The following ZNF283 variants were observed in gnomAD, a reference collection of about 807,000 sequenced individuals.
ZNF283 encodes zinc finger protein 41.
ZNF283 carries 10 observed loss-of-function variants against 9.2 expected under a neutral mutation model. The observed-to-expected ratio is 1.09, with a 90% confidence interval of 0.67 to 1.85. The LOEUF (loss-of-function observed/expected upper bound fraction) is 1.85, where lower values mean the gene tolerates loss of function less well. Ranked by LOEUF, ZNF283 falls within the 40% of genes most tolerant of loss-of-function variation. The probability of loss-of-function intolerance (pLI) is 0.00; values close to 1 mark genes in which losing one functional copy is unlikely to be tolerated. For synonymous variants in ZNF283, 234 were observed against 244.1 expected (o/e 0.96, Z 0.38); for missense variants, 631 against 760.1 (o/e 0.83, Z 2.00).
intron 4 of ZNF283, among the ~76,000 whole-genome samples, chr19:43,835,148 C>T (rs1970910799): frequency 6.6e-6 from 1 of 152,130 alleles, no homozygotes; most frequent in African/African-American, 2.4e-5. Flanking sequence ...CCTTATACAG[C>T]CTGTCCAGCT....
intron 6 of ZNF283, among the ~76,000 whole-genome samples, chr19:43,843,229 T>C (rs1178957217): frequency 6.6e-6 from 1 of 152,278 alleles, no homozygotes; most frequent in Non-Finnish European, 1.5e-5. Context: ...TAGTCCCAGC[T>C]ACTCGGGAGG....
chr19:43,848,709 T>C lies in ZNF283; in HGVS notation c.*68T>C, dbSNP rs1192005930. The C allele has an allele frequency of 2.1e-5, 30 of 1,427,712 alleles. No homozygotes were observed. The highest frequency in any genetic ancestry group is 2.7e-5 in the Non-Finnish European group (29 of 1,074,088). 88.4% of individuals were successfully genotyped at this position (1,427,712 alleles called of 1,614,324 possible). On this transcript the variant is annotated 3_prime_UTR_variant, in exon 7 of 7. Coordinates refer to ENST00000618787, the MANE Select transcript of ZNF283 (RefSeq NM_181845.2). ...CTTATCATAATAAGAACTCTTACTC[T>C]TGAGAAACCTTGTGAATGTAAGGGT...
intron 2 of ZNF283, among the ~76,000 whole-genome samples, chr19:43,829,955 G>A (rs1336351485): frequency 6.6e-6 from 1 of 152,092 alleles, no homozygotes; most frequent in African/African-American, 2.4e-5. Flanking sequence ...CCCAGCAGGC[G>A]GAGGTTGTAG....
chr19:43,834,893 C>T (rs1342621195), intron 4 of ZNF283, among the ~76,000 whole-genome samples: 1 of 152,176 alleles, frequency 6.6e-6, no homozygotes, highest in Non-Finnish European at 1.5e-5. Flanking sequence ...CTCACCTGGC[C>T]TGTTTCTTTC....
At chr19:43,837,731 G>A (rs1971040419) in intron 6 of ZNF283, 1 of 152,546 alleles carries the variant, frequency 6.6e-6, no homozygotes, top group African/African-American at 2.4e-5. Context: ...GCTAATTTAG[G>A]TAAGACAGTC....
intron 4 of ZNF283, 129 bp from the exon 5 acceptor site, chr19:43,835,376 G>A (rs1448517223): frequency 1.6e-6 from 1 of 634,748 alleles, no homozygotes; most frequent in Non-Finnish European, 2.8e-6. Flanking sequence ...GTGAAAGTTT[G>A]AATTCCATAA....
At chr19:43,835,156 G>A (rs1970910984) in intron 4 of ZNF283, among the ~76,000 whole-genome samples, 1 of 152,110 alleles carries the variant, frequency 6.6e-6, no homozygotes, top group Non-Finnish European at 1.5e-5. Context: ...AGCCTGTCCA[G>A]CTCCCATGTT....
chr19:43,839,751 A>G (rs1971123972), intron 6 of ZNF283, among the ~76,000 whole-genome samples: 2 of 151,998 alleles, frequency 1.3e-5, no homozygotes, highest in Admixed American at 6.6e-5. Context: ...TTACTCCAGA[A>G]TTTGTTTGGT....
chr19:43,843,212 G>A (rs558786762), intron 6 of ZNF283, among the ~76,000 whole-genome samples: 11 of 152,240 alleles, frequency 7.2e-5, no homozygotes, highest in East Asian at 5.8e-4. Flanking sequence ...ATGGTGGCAC[G>A]CGCCTGTAGT....
intron 6 of ZNF283, among the ~76,000 whole-genome samples, chr19:43,842,957 G>T (rs971150202): frequency 2.6e-5 from 4 of 152,092 alleles, no homozygotes; most frequent in Non-Finnish European, 4.4e-5. Flanking sequence ...AATATTCTAT[G>T]TAATGAAATG....
At chr19:43,837,569 G>C (rs1971035443) in intron 6 of ZNF283, 1 of 300,502 alleles carries the variant, frequency 3.3e-6, no homozygotes, top group Non-Finnish European at 6.0e-6. Flanking sequence ...AACAAGCTTT[G>C]ATAACTTGCC....
At position 43,849,645 on chromosome 19, in the gene ZNF283, G is replaced by A. The variant is rs1250738002; in HGVS notation, c.*1004G>A. 2.0e-5 allele frequency: 3 copies of A among 152,108 alleles called. No homozygotes were observed. Among genetic ancestry groups the A allele is most frequent in the Non-Finnish European group, 2.9e-5 (2 of 67,988 alleles). The allele number at this position is 152,108 out of a possible 1,614,324, so 9.4% of individuals were successfully genotyped here. A position where few individuals can be genotyped will look rare whatever the true frequency, so the allele number is the denominator to read the frequency against. On this transcript the variant is annotated 3_prime_UTR_variant, in exon 7 of 7. Transcript: ENST00000618787. ...TAACTCTGTTAATGTAACAAATGTAGGAAAACCCTTATCCATGGCAAATAC... is the reference window on the plus strand; with the variant it reads ...TAACTCTGTTAATGTAACAAATGTAAGAAAACCCTTATCCATGGCAAATAC...
Position 43,848,251 on chromosome 19 carries a change from G to A in ZNF283, c.1650G>A (p.Lys550=), listed in dbSNP as rs762344960. 6.2e-7 allele frequency: 1 copy of A among 1,613,596 alleles called. No homozygotes were observed. The highest frequency in any genetic ancestry group is 8.5e-7 in the Non-Finnish European group (1 of 1,179,864). Residue 550 remains lysine (K), a synonymous_variant, in exon 7 of 7, where the codon AAG becomes AAA. Coordinates refer to ENST00000618787, the MANE Select transcript of ZNF283 (RefSeq NM_181845.2). ...EKPYECKECG[K]AFSRGYHLTQ... is the part of the protein sequence containing the mutation. ...CCTATGAATGTAAAGAATGTGGGAA[G>A]GCTTTTAGTCGTGGCTATCACCTTA... is the stretch of plus-strand genomic sequence containing the variant.
At chr19:43,836,951 A>G in intron 5 of ZNF283, 102 bp from the exon 6 acceptor site, 2 of 1,311,024 alleles carry the variant, frequency 1.5e-6, no homozygotes, top group African/African-American at 1.5e-5. Flanking sequence ...CTCGATTGTT[A>G]TATTTCTCCC....
intron 2 of ZNF283, among the ~76,000 whole-genome samples, chr19:43,830,556 T>C (rs1970660426): frequency 6.6e-6 from 1 of 152,110 alleles, no homozygotes; most frequent in South Asian, 2.1e-4. Context: ...CAAAAAGATC[T>C]AGCTCCATTG....
At chr19:43,836,959 C>G in intron 5 of ZNF283, 94 bp from the exon 6 acceptor site, 1 of 1,362,788 alleles carries the variant, frequency 7.3e-7, no homozygotes, top group Non-Finnish European at 1.0e-6. Context: ...TTATATTTCT[C>G]CCCCTCTTTG....
chr19:43,831,220 A>T (rs537443447), intron 2 of ZNF283, 98 bp from the exon 3 acceptor site: 1 of 708,776 alleles, frequency 1.4e-6, no homozygotes, highest in Non-Finnish European at 2.3e-6. Context: ...CCGTACTTAC[A>T]GAGTATCTAC....
intron 3 of ZNF283, among the ~76,000 whole-genome samples, chr19:43,831,846 C>G (rs1055312082): frequency 1.3e-5 from 2 of 152,216 alleles, no homozygotes; most frequent in Non-Finnish European, 2.9e-5. Context: ...CCAGGCTGGT[C>G]TTGAACTCCT....
chr19:43,834,819 C>T (rs1970891042), intron 4 of ZNF283, among the ~76,000 whole-genome samples: 1 of 152,066 alleles, frequency 6.6e-6, no homozygotes, highest in Admixed American at 6.6e-5. Context: ...TGGTCTCGAT[C>T]TCCTGACCTC....
Sources: allele counts gnomAD v4.1 joint callset (sites outside exome capture counted in the v4.1 genomes callset), GRCh38; gene constraint gnomAD v4.1.1; transcripts MANE v1.5; gene names NCBI Gene and HGNC (gene_info 2026-07-23, HGNC 2026-07-21).